DLC1: variants seen among roughly 807,000 people sequenced by gnomAD.
DLC1 encodes DLC1 Rho GTPase activating protein.
Under a neutral mutation model 140.3 loss-of-function variants are expected in DLC1, and 54 were observed. The observed-to-expected ratio is 0.38, with a 90% CI of 0.31 to 0.48. The LOEUF (loss-of-function observed/expected upper bound fraction) is 0.48. DLC1 is among the 20% of genes least tolerant of loss of function. The probability of loss-of-function intolerance (pLI) is 0.96; values close to 1 mark genes in which losing one functional copy is unlikely to be tolerated. For synonymous variants in DLC1, 986 were observed against 728.1 expected (o/e 1.35, Z -5.70); for missense variants, 2,536 against 1,907.0 (o/e 1.33, Z -6.14).
At chr8:13,568,041 C>T (rs749543123) in intron 1 of DLC1, 14 of 1,344,596 alleles carry the variant, frequency 1.0e-5, no homozygotes, top group African/African-American at 5.9e-5. Context: ...ACTATGCTTC[C>T]TTCACAGATT....
In DLC1 at chr8:13,451,037, C is replaced by CAAAAAAAAAAAAAAAAAAAAAAAAAAAAA. The variant is rs1169620786; in HGVS notation, c.1023+47983_1023+48011dup. ...CTGGTGATAGAGTGAGACTCCGTCT[C>CAAAAAAAAAAAAAAAAAAAAAAAAAAAAA]AAAAAAAAAAAAAAAAAAAAAAAAA... On this transcript the variant is annotated intron_variant, in intron 2 of 17. Coordinates refer to ENST00000276297, the MANE Select transcript of DLC1 (RefSeq NM_182643.3). 1.4e-3 allele frequency among the ~76,000 whole-genome samples: 25 copies of CAAAAAAAAAAAAAAAAAAAAAAAAAAAAA among 18,380 alleles called. 8 individuals carry two copies. The highest frequency in any genetic ancestry group is 3.3e-3 in the Non-Finnish European group (24 of 7,216). 12.1% of individuals were successfully genotyped at this position (18,380 alleles called of 152,430 possible).
Position 13,499,363 on chromosome 8 carries a change from T to G in DLC1, c.709A>C (p.Lys237Gln), listed in dbSNP as rs1386987465. The change falls in exon 2 of 18, where the codon AAA becomes CAA. Residue 237 changes from lysine (K) to glutamine (Q), a missense_variant. Physicochemically the swap from Lys to Gln is moderately conservative, Grantham distance 53. Coordinates refer to ENST00000276297, the MANE Select transcript of DLC1 (RefSeq NM_182643.3). ...NSAVIAQQRR[K>Q]PDPPKDENER... ...TTTTCATCTTTAGGGGGGTCAGGTTTCCTTCGTTGCTGAGCAATTACAGCA... is the reference window on the plus strand; with the variant it reads ...TTTTCATCTTTAGGGGGGTCAGGTTGCCTTCGTTGCTGAGCAATTACAGCA... 1 of 1,613,912 alleles carries G rather than the reference T, an allele frequency of 6.2e-7. No homozygotes were observed. Among genetic ancestry groups the G allele is most frequent in the Non-Finnish European group, 8.5e-7 (1 of 1,180,020 alleles).
At chr8:13,297,288 A>AAAAAAAAAAAAAAAAAAAAAAAAAAG (rs1317943641) in intron 5 of DLC1, among the ~76,000 whole-genome samples, 1 of 141,148 alleles carries the variant, frequency 7.1e-6, no homozygotes, top group African/African-American at 2.6e-5. Context: ...ACATTAAAAA[A>AAAAAAAAAAAAAAAAAAAAAAAAAAG]AAAAAAAACT....
intron 5 of DLC1, among the ~76,000 whole-genome samples, chr8:13,201,461 T>A (rs1291711685): frequency 6.6e-6 from 1 of 152,164 alleles, no homozygotes; most frequent in Non-Finnish European, 1.5e-5. Context: ...TTGAGATTAT[T>A]GAGAAAATAA....
intron 5 of DLC1, among the ~76,000 whole-genome samples, chr8:13,129,264 A>C (rs1369802905): frequency 6.6e-6 from 1 of 152,214 alleles, no homozygotes; most frequent in Non-Finnish European, 1.5e-5. Context: ...ATTCATCCAT[A>C]TGCAAAGGCC....
rs554293817 is a variant in DLC1, at chr8:13,496,424, A to G, written c.1023+2625T>C. Among the ~76,000 whole-genome samples the G allele has an allele frequency of 1.8e-3, 280 of 152,288 alleles. 1 individual carries two copies. Among genetic ancestry groups the G allele is most frequent in the African/African-American group, 6.5e-3 (269 of 41,548 alleles). The stretch of plus-strand genomic sequence containing the variant: ...AATTCTGTGATCTTTTATAAAGATT[A>G]TATGGGGTAAAAAGTGAAAACCCCT... On this transcript the variant is annotated intron_variant, in intron 2 of 17. Coordinates refer to ENST00000276297, the MANE Select transcript of DLC1 (RefSeq NM_182643.3).
At chr8:13,150,256 T>C (rs954573419) in intron 5 of DLC1, among the ~76,000 whole-genome samples, 1 of 152,248 alleles carries the variant, frequency 6.6e-6, no homozygotes, top group Admixed American at 6.5e-5. Context: ...GAAAAAAGTT[T>C]AATGAGTGTT....
chr8:13,465,384 G>T (rs924401870), intron 2 of DLC1, among the ~76,000 whole-genome samples: 4 of 152,134 alleles, frequency 2.6e-5, no homozygotes, highest in African/African-American at 9.7e-5. Context: ...GGGAGTTCCT[G>T]TTGATCCTGA....
At chr8:13,252,414 G>C (rs909401971) in intron 5 of DLC1, among the ~76,000 whole-genome samples, 3 of 152,138 alleles carry the variant, frequency 2.0e-5, no homozygotes, top group Non-Finnish European at 4.4e-5. Flanking sequence ...AAGAACTCTT[G>C]TTCATTGTTA....
At chr8:13,313,672 CTG>C (rs1428408580) in intron 4 of DLC1, among the ~76,000 whole-genome samples, 1 of 152,206 alleles carries the variant, frequency 6.6e-6, no homozygotes, top group Admixed American at 6.5e-5. Flanking sequence ...TATAGGTTGT[CTG>C]TCTCTGAGTC....
At chr8:13,381,416 G>A (rs1836249079) in intron 4 of DLC1, among the ~76,000 whole-genome samples, 1 of 152,210 alleles carries the variant, frequency 6.6e-6, no homozygotes, top group Admixed American at 6.5e-5. Flanking sequence ...TGATCTGTGT[G>A]TCCTGGTAGA....
intron 5 of DLC1, among the ~76,000 whole-genome samples, chr8:13,212,490 T>G (rs1205379730): frequency 6.6e-6 from 1 of 152,214 alleles, no homozygotes; most frequent in Admixed American, 6.5e-5. Context: ...TTTGTTCATT[T>G]CATAAGACCA....
At chr8:13,595,587 G>A (rs1234460637) in intron 1 of DLC1, among the ~76,000 whole-genome samples, 2 of 151,902 alleles carry the variant, frequency 1.3e-5, no homozygotes, top group African/African-American at 4.8e-5. Flanking sequence ...GAAAAAGTGA[G>A]GAACATATGC....
chr8:13,132,893 C>T, intron 5 of DLC1: 3 of 1,556,550 alleles, frequency 1.9e-6, no homozygotes, highest in Non-Finnish European at 2.6e-6. Context: ...GGGTCCCCTC[C>T]GCAGCCCGCT....
intron 5 of DLC1, among the ~76,000 whole-genome samples, chr8:13,221,861 T>TAATAAAATATATTAATACATTAATATATA (rs1828573544): frequency 6.9e-6 from 1 of 144,008 alleles, no homozygotes; most frequent in East Asian, 2.0e-4. Flanking sequence ...ATTAATATAT[T>TAATAAAATATATTAATACATTAATATATA]AATAAAATAT....
Position 13,256,595 on chromosome 8 carries a change from C to G in DLC1, c.1348+48674G>C, listed in dbSNP as rs187566312. 2.2e-3 allele frequency among the ~76,000 whole-genome samples: 328 copies of G among 152,118 alleles called. 4 individuals are homozygous for G. The highest frequency in any genetic ancestry group is 3.4e-4 in the Non-Finnish European group (23 of 68,014). ...GCAGGGACATGAATGAAGCTGGAAA[C>G]CATCATTCTCAGCAAACTAACACAG... On this transcript the variant is annotated intron_variant, in intron 5 of 17. Coordinates refer to ENST00000276297, the MANE Select transcript of DLC1 (RefSeq NM_182643.3).
chr8:13,597,134 G>A (rs1425934289), intron 1 of DLC1, among the ~76,000 whole-genome samples: 2 of 151,902 alleles, frequency 1.3e-5, no homozygotes, highest in Non-Finnish European at 2.9e-5. Context: ...TATTACGTTT[G>A]CAGTTTAGGA....
intron 1 of DLC1, among the ~76,000 whole-genome samples, chr8:13,525,026 G>T (rs74661619): frequency 6.6e-6 from 1 of 152,038 alleles, no homozygotes; most frequent in African/African-American, 2.4e-5. Flanking sequence ...CCAAGGCAAC[G>T]ACTGATCTGC....
chr8:13,502,958 A>C (rs977062229), intron 1 of DLC1, among the ~76,000 whole-genome samples: 1 of 152,228 alleles, frequency 6.6e-6, no homozygotes, highest in African/African-American at 2.4e-5. Flanking sequence ...GACTGTATGT[A>C]CTTCTAATGA....
Sources: allele counts gnomAD v4.1 joint callset (sites outside exome capture counted in the v4.1 genomes callset), GRCh38; gene constraint gnomAD v4.1.1; transcripts MANE v1.5; gene names NCBI Gene and HGNC (gene_info 2026-07-23, HGNC 2026-07-21).